Variants in CERS6 observed in about 807,000 individuals in gnomAD.
CERS6 encodes LAG1 homolog, ceramide synthase 6.
Under a neutral mutation model 56.8 loss-of-function variants are expected in CERS6, and 26 were observed. The observed-to-expected ratio is 0.46, with a 90% confidence interval of 0.34 to 0.63. CERS6 has a LOEUF of 0.63. Ranked by LOEUF, CERS6 falls within the 30% of genes least tolerant of loss-of-function variation. CERS6 has a pLI of 0.01. For synonymous variants in CERS6, 164 were observed against 173.3 expected, an observed-to-expected ratio of 0.95 and a Z score of 0.42; for missense variants, 415 against 467.5, an observed-to-expected ratio of 0.89 and a Z score of 1.04.
intron 8 of CERS6, among the ~76,000 whole-genome samples, chr2:168,747,291 ATTT>A (rs5836199): frequency 9.0e-4 from 133 of 147,652 alleles, no homozygotes; most frequent in African/African-American, 3.0e-3. Flanking sequence ...GTCTCAACAA[ATTT>A]TTTTTTTTTT....
intron 8 of CERS6, among the ~76,000 whole-genome samples, chr2:168,752,320 TAG>T (rs1553516312): frequency 2.9e-4 from 36 of 125,082 alleles, no homozygotes; most frequent in African/African-American, 4.9e-4. Flanking sequence ...TGTGTGTGTA[TAG>T]AGAGAGAGAG....
At chr2:168,680,869 T>C (rs1451173121) in intron 4 of CERS6, among the ~76,000 whole-genome samples, 7 of 152,238 alleles carry the variant, frequency 4.6e-5, no homozygotes, top group South Asian at 2.1e-4. Context: ...GTCTGTGATA[T>C]TCTGTTATAG....
chr2:168,599,032 A>G (rs1373135828), intron 3 of CERS6, among the ~76,000 whole-genome samples: 1 of 152,240 alleles, frequency 6.6e-6, no homozygotes, highest in African/African-American at 2.4e-5. Flanking sequence ...TTTCGTGAGC[A>G]TTGTTTAATT....
chr2:168,608,152 T>A lies in CERS6; in HGVS notation c.408-22833T>A, dbSNP rs549661533. ...ATAAGTGGAATCACCCAATATGTGG[T>A]ATTTGTGGCTAACTTCTTCCACTTG... is the stretch of plus-strand genomic sequence containing the variant. On this transcript the variant is annotated intron_variant, in intron 3 of 9. Transcript: ENST00000305747. Among the ~76,000 whole-genome samples the A allele has an allele frequency of 2.6e-5, 4 of 152,360 alleles. No individual in the cohort carries two copies. The East Asian group carries it at 7.7e-4, about 29-fold the overall frequency.
At chr2:168,715,393 A>G (rs889935042) in intron 7 of CERS6, among the ~76,000 whole-genome samples, 2 of 152,216 alleles carry the variant, frequency 1.3e-5, no homozygotes, top group Admixed American at 6.5e-5. Context: ...TGATTTTACA[A>G]AGGAAAATCA....
At chr2:168,555,209 C>T (rs1695653454) in intron 2 of CERS6, among the ~76,000 whole-genome samples, 1 of 151,784 alleles carries the variant, frequency 6.6e-6, no homozygotes, top group South Asian at 2.1e-4. Flanking sequence ...CGATTTAATA[C>T]CAGAAATTAG....
intron 2 of CERS6, among the ~76,000 whole-genome samples, chr2:168,559,226 CA>C (rs1417589107): frequency 6.6e-6 from 1 of 151,480 alleles, no homozygotes; most frequent in Non-Finnish European, 1.5e-5. Context: ...CAAAAAACCC[CA>C]AAGTTGGCAA....
At chr2:168,624,939 A>G (rs73024562) in intron 3 of CERS6, among the ~76,000 whole-genome samples, 7,538 of 152,256 alleles carry the variant, frequency 0.05, 515 homozygotes, top group African/African-American at 0.15. Flanking sequence ...ATTGAAGTCT[A>G]TATTTGTTCC....
At chr2:168,695,994 C>G (rs1160558450) in intron 6 of CERS6, among the ~76,000 whole-genome samples, 1 of 152,060 alleles carries the variant, frequency 6.6e-6, no homozygotes, top group African/African-American at 2.4e-5. Context: ...GAGCATTTTG[C>G]ATTTTAGATT....
At chr2:168,658,045 T>C (rs1234771556) in intron 4 of CERS6, among the ~76,000 whole-genome samples, 12 of 152,148 alleles carry the variant, frequency 7.9e-5, no homozygotes, top group Admixed American at 7.9e-4. Context: ...GCCAAGCCAG[T>C]GGGCTGGACT....
Position 168,495,930 on chromosome 2 carries a change from C to G in CERS6, c.170+39312C>G, listed in dbSNP as rs139394969. On this transcript the variant is annotated intron_variant, in intron 1 of 9. Transcript: ENST00000305747. ...CAAAACTTAAGTCTCCATCCCCACC[C>G]TGTCTCCCAACTACCCAGGTGATCT... 1.9e-3 allele frequency among the ~76,000 whole-genome samples: 285 copies of G among 152,336 alleles called. 2 individuals carry two copies. The highest frequency in any genetic ancestry group is 6.6e-3 in the African/African-American group (276 of 41,578).
At chr2:168,479,869 A>G (rs933876322) in intron 1 of CERS6, among the ~76,000 whole-genome samples, 2 of 152,142 alleles carry the variant, frequency 1.3e-5, no homozygotes, top group African/African-American at 2.4e-5. Context: ...CGGTCTCCCA[A>G]AGTTCTGAGA....
intron 5 of CERS6, among the ~76,000 whole-genome samples, chr2:168,692,164 C>G (rs527761899): frequency 3.5e-4 from 54 of 152,248 alleles, no homozygotes; most frequent in African/African-American, 1.3e-3. Context: ...GGCAAGAGAG[C>G]TGAGCATTCA....
At chr2:168,472,902 A>T (rs1486345526) in intron 1 of CERS6, among the ~76,000 whole-genome samples, 3 of 152,158 alleles carry the variant, frequency 2.0e-5, no homozygotes, top group Non-Finnish European at 4.4e-5. Flanking sequence ...GATTTGAAAA[A>T]ACCAGATATT....
chr2:168,598,938 A>G (rs16855582), intron 3 of CERS6, among the ~76,000 whole-genome samples: 3,291 of 152,290 alleles, frequency 0.022, 134 homozygotes, highest in East Asian at 0.18. Context: ...AGAGAAACAC[A>G]TGTCAGAAGA....
At chr2:168,739,764 G>A (rs1256161055) in intron 8 of CERS6, among the ~76,000 whole-genome samples, 1 of 137,164 alleles carries the variant, frequency 7.3e-6, no homozygotes, top group Non-Finnish European at 1.6e-5. Context: ...TTTTTTTTTT[G>A]AGACAGAGTC....
chr2:168,758,205 C>A (rs756140098), intron 8 of CERS6, among the ~76,000 whole-genome samples: 1 of 152,070 alleles, frequency 6.6e-6, no homozygotes, highest in Non-Finnish European at 1.5e-5. Context: ...GCCAGAGAAA[C>A]GCACATCATG....
intron 8 of CERS6, among the ~76,000 whole-genome samples, chr2:168,746,779 A>G (rs1383715354): frequency 1.9e-5 from 1 of 53,736 alleles, no homozygotes; most frequent in Non-Finnish European, 3.5e-5. Flanking sequence ...TAAAGGGTAT[A>G]TATATATATA....
intron 1 of CERS6, among the ~76,000 whole-genome samples, chr2:168,543,190 A>G (rs975560743): frequency 9.9e-5 from 15 of 152,148 alleles, no homozygotes; most frequent in Admixed American, 6.5e-4. Context: ...CATCCTTATT[A>G]TGTTTACTTT....
Sources: allele counts gnomAD v4.1 joint callset (sites outside exome capture counted in the v4.1 genomes callset), GRCh38; gene constraint gnomAD v4.1.1; transcripts MANE v1.5; gene names NCBI Gene and HGNC (gene_info 2026-07-23, HGNC 2026-07-21).